Variants in PDE4D observed in about 807,000 individuals in gnomAD.
The protein encoded by PDE4D is 3',5'-cyclic-AMP phosphodiesterase 4D.
In PDE4D, 24 loss-of-function variants were observed where a neutral mutation model predicts 87.4. The ratio of observed to expected loss-of-function variants is 0.27; its 90% CI spans 0.20 to 0.39. The LOEUF (loss-of-function observed/expected upper bound fraction) is 0.39. Among genes scored for constraint, PDE4D ranks in the 10% least tolerant of loss-of-function variants. The pLI is 1.00. For synonymous variants in PDE4D, 384 were observed against 383.2 expected (o/e 1.00, Z -0.02); for missense variants, 714 against 1,041.0 (o/e 0.69, Z 4.32).
At chr5:59,851,168 C>G (rs545744556) in intron 1 of PDE4D, among the ~76,000 whole-genome samples, 69 of 152,126 alleles carry the variant, frequency 4.5e-4, no homozygotes, top group African/African-American at 1.6e-3. Context: ...ATGAGACCTG[C>G]CTGCAACAGC....
chr5:60,443,035 A>G (rs1249302168), intron 1 of PDE4D, among the ~76,000 whole-genome samples: 1 of 152,130 alleles, frequency 6.6e-6, no homozygotes, highest in Non-Finnish European at 1.5e-5. Context: ...ACCACGGAAG[A>G]AACAGAAAAT....
intron 1 of PDE4D, among the ~76,000 whole-genome samples, chr5:59,452,749 T>C (rs1193457103): frequency 1.3e-5 from 2 of 152,234 alleles, no homozygotes; most frequent in Non-Finnish European, 2.9e-5. Flanking sequence ...ATATGTGGTC[T>C]GAGAATAAAT....
intron 1 of PDE4D, among the ~76,000 whole-genome samples, chr5:59,862,075 C>T (rs917488071): frequency 1.3e-5 from 2 of 152,140 alleles, no homozygotes; most frequent in East Asian, 3.9e-4. Flanking sequence ...CAACACCACC[C>T]TCCAATCAGC....
At chr5:59,188,110 C>A (rs143586206) in intron 3 of PDE4D, among the ~76,000 whole-genome samples, 235 of 152,108 alleles carry the variant, frequency 1.5e-3, no homozygotes, top group African/African-American at 5.4e-3. Flanking sequence ...CAGGGCAGCC[C>A]TCACTTCCCC....
chr5:59,837,800 C>A (rs1742361370), intron 1 of PDE4D, among the ~76,000 whole-genome samples: 1 of 151,994 alleles, frequency 6.6e-6, no homozygotes. Flanking sequence ...ACTAGGACAC[C>A]ATTGCTCCTT....
intron 2 of PDE4D, among the ~76,000 whole-genome samples, chr5:60,005,489 C>T (rs527450643): frequency 6.6e-6 from 1 of 152,036 alleles, no homozygotes; most frequent in South Asian, 2.1e-4. Flanking sequence ...CACACATATA[C>T]ACACACATAC....
intron 1 of PDE4D, among the ~76,000 whole-genome samples, chr5:60,374,483 C>G (rs762579271): frequency 6.6e-6 from 1 of 152,120 alleles, no homozygotes; most frequent in African/African-American, 2.4e-5. Flanking sequence ...AGCAAAGCTC[C>G]GAAGAATAAT....
intron 3 of PDE4D, among the ~76,000 whole-genome samples, chr5:59,190,826 G>A (rs1030294034): frequency 1.3e-5 from 2 of 152,100 alleles, no homozygotes; most frequent in South Asian, 4.1e-4. Flanking sequence ...ACTCTTCAGG[G>A]CTTAACAGTT....
At chr5:59,814,855 T>C (rs532794814) in intron 1 of PDE4D, among the ~76,000 whole-genome samples, 2 of 152,134 alleles carry the variant, frequency 1.3e-5, no homozygotes, top group African/African-American at 2.4e-5. Context: ...TGGGTTATGA[T>C]GGAAGATTTT....
chr5:60,393,355 T>C (rs1323863633), intron 1 of PDE4D, among the ~76,000 whole-genome samples: 2 of 152,180 alleles, frequency 1.3e-5, no homozygotes, highest in African/African-American at 2.4e-5. Flanking sequence ...GCATCGCACA[T>C]TGTGTCCAAT....
chr5:60,311,200 T>C (rs1755004383), intron 1 of PDE4D, among the ~76,000 whole-genome samples: 1 of 150,286 alleles, frequency 6.7e-6, no homozygotes, highest in Non-Finnish European at 1.5e-5. Flanking sequence ...ATTTTTGTAT[T>C]TCGTAGAGAC....
rs76677079 is a variant in PDE4D, at chr5:59,319,478, T to G, written c.456-103510A>C. ...GAAGGAAACAGACATTTGCTCACAGTCTGCAGACTTTGGCTCAGCTGACAG... is the reference window on the plus strand; with the variant it reads ...GAAGGAAACAGACATTTGCTCACAGGCTGCAGACTTTGGCTCAGCTGACAG... On this transcript the variant is annotated intron_variant, in intron 1 of 14. Coordinates refer to ENST00000340635, the MANE Select transcript of PDE4D (RefSeq NM_001104631.2). Among the ~76,000 whole-genome samples, 1,296 of 152,236 alleles carry G rather than the reference T, an allele frequency of 8.5e-3. 16 individuals carry two copies. The highest frequency in any genetic ancestry group is 0.03 in the African/African-American group (1,239 of 41,560).
chr5:60,271,842 G>T (rs1406468881), intron 1 of PDE4D, among the ~76,000 whole-genome samples: 1 of 152,078 alleles, frequency 6.6e-6, no homozygotes, highest in African/African-American at 2.4e-5. Context: ...CAAAAGAATG[G>T]CACACAGTAT....
rs576359388 is a variant in PDE4D at position 59,782,193 on chromosome 5, A to G, written c.455+110975T>C. 7.9e-5 allele frequency among the ~76,000 whole-genome samples: 12 copies of G among 152,344 alleles called. No homozygotes were observed. In the South Asian group the frequency reaches 2.5e-3, roughly 32 times the overall value. On this transcript the variant is annotated intron_variant, in intron 1 of 14. Transcript: ENST00000340635. ...TCTAAAATACTGCTGCTTTTTCACCATATAGACATCCTCGAGTCTGAAAAA... is the reference window on the plus strand; with the variant it reads ...TCTAAAATACTGCTGCTTTTTCACCGTATAGACATCCTCGAGTCTGAAAAA...
At chr5:59,890,005 T>G (rs1251293060) in intron 1 of PDE4D, among the ~76,000 whole-genome samples, 1 of 152,186 alleles carries the variant, frequency 6.6e-6, no homozygotes, top group African/African-American at 2.4e-5. Flanking sequence ...CTTATATACA[T>G]TTTTTCATTA....
intron 1 of PDE4D, among the ~76,000 whole-genome samples, chr5:59,763,413 T>C (rs1377339131): frequency 6.6e-6 from 1 of 152,162 alleles, no homozygotes; most frequent in Non-Finnish European, 1.5e-5. Flanking sequence ...ACTTAAGTGA[T>C]TATAATGCTA....
At chr5:59,295,056 C>A (rs1029984692) in intron 1 of PDE4D, among the ~76,000 whole-genome samples, 1 of 152,118 alleles carries the variant, frequency 6.6e-6, no homozygotes, top group Non-Finnish European at 1.5e-5. Flanking sequence ...AAACATTAAG[C>A]AAAGGCTACA....
intron 1 of PDE4D, among the ~76,000 whole-genome samples, chr5:59,417,849 C>T (rs1193219334): frequency 6.6e-6 from 1 of 152,206 alleles, no homozygotes; most frequent in Non-Finnish European, 1.5e-5. Context: ...CTCTAGCAAA[C>T]ATTCGCCGCT....
At chr5:60,197,069 A>T (rs1202822868) in intron 1 of PDE4D, among the ~76,000 whole-genome samples, 41 of 112,014 alleles carry the variant, frequency 3.7e-4, no homozygotes, top group East Asian at 1.9e-3. Flanking sequence ...AGATAGATAG[A>T]TAGACAGTTA....
Sources: gnomAD v4.1 joint callset for allele counts (sites outside exome capture counted in the v4.1 genomes callset) on GRCh38, gnomAD v4.1.1 for gene constraint, MANE v1.5 for transcripts, NCBI Gene and HGNC (gene_info 2026-07-23, HGNC 2026-07-21) for gene names.